SDK1: variants seen among roughly 807,000 people sequenced by gnomAD.
The protein encoded by SDK1 is sidekick cell adhesion molecule 1.
Under a neutral mutation model 245.5 loss-of-function variants are expected in SDK1, and 157 were observed. That is an observed-to-expected ratio of 0.64 (90% CI 0.56 to 0.73). The LOEUF (loss-of-function observed/expected upper bound fraction) is 0.73. Among genes scored for constraint, SDK1 ranks in the 30% least tolerant of loss-of-function variants. The pLI, the probability that SDK1 is intolerant of heterozygous loss-of-function variation, is 0.00. For synonymous variants in SDK1, 1,647 were observed against 1,278.5 expected, an observed-to-expected ratio of 1.29 and a Z score of -6.15; for missense variants, 3,583 against 3,002.3, an observed-to-expected ratio of 1.19 and a Z score of -4.52.
chr7:4,079,483 A>C lies in SDK1; in HGVS notation c.3223A>C (p.Asn1075His). The C allele has an allele frequency of 6.2e-7, 1 of 1,614,210 alleles. No individual in the cohort carries two copies. Among genetic ancestry groups the C allele is most frequent in the Non-Finnish European group, 8.5e-7 (1 of 1,180,030 alleles). The change falls in exon 22 of 45, where the codon AAC (asparagine) becomes CAC (histidine). Residue 1075 changes from asparagine to histidine, a missense_variant. Physicochemically the swap from Asn to His is moderately conservative, Grantham distance 68. Transcript: ENST00000404826. ...TCTAGACCTTCCTGGTGCCCCATCC[A>C]ACCTGGTCATTTCCAACATCAGCCC... is the stretch of plus-strand genomic sequence containing the variant. ...VPPDLPGAPS[N>H]LVISNISPRS... is the part of the protein sequence containing the mutation.
At chr7:3,779,469 A>AT (rs1205727374) in intron 4 of SDK1, among the ~76,000 whole-genome samples, 1 of 152,086 alleles carries the variant, frequency 6.6e-6, no homozygotes, top group African/African-American at 2.4e-5. Flanking sequence ...TAAAAAAAAA[A>AT]AACAAGGACA....
intron 38 of SDK1, among the ~76,000 whole-genome samples, chr7:4,210,663 T>C (rs544363377): frequency 1.7e-4 from 26 of 152,282 alleles, no homozygotes; most frequent in Admixed American, 1.4e-3. Context: ...CGGACATCTA[T>C]GAAGCTCCTG....
chr7:3,692,457 G>T (rs1024528651), intron 4 of SDK1, among the ~76,000 whole-genome samples: 3 of 151,992 alleles, frequency 2.0e-5, no homozygotes, highest in African/African-American at 2.4e-5. Flanking sequence ...TAAACAGAGA[G>T]GATTTCTTAT....
At chr7:3,551,992 T>C (rs553424778) in intron 1 of SDK1, among the ~76,000 whole-genome samples, 1 of 152,330 alleles carries the variant, frequency 6.6e-6, no homozygotes, top group African/African-American at 2.4e-5. Flanking sequence ...TCGTTCGGGT[T>C]GTAGTGTGAT....
chr7:3,338,848 A>T (rs996549670), intron 1 of SDK1, among the ~76,000 whole-genome samples: 6 of 152,224 alleles, frequency 3.9e-5, no homozygotes, highest in Non-Finnish European at 8.8e-5. Context: ...CTCGAGCACT[A>T]TGAATAAATG....
At chr7:3,508,005 T>G (rs1658461033) in intron 1 of SDK1, among the ~76,000 whole-genome samples, 1 of 152,164 alleles carries the variant, frequency 6.6e-6, no homozygotes, top group South Asian at 2.1e-4. Flanking sequence ...TCCCTTACTT[T>G]CCTGACCCCA....
At chr7:4,117,105 T>C (rs1783763825) in intron 25 of SDK1, among the ~76,000 whole-genome samples, 1 of 152,138 alleles carries the variant, frequency 6.6e-6, no homozygotes, top group Non-Finnish European at 1.5e-5. Flanking sequence ...GCCAAGAAAA[T>C]AGTTTTTCAG....
chr7:4,220,201 C>A lies in SDK1; in HGVS notation c.5632C>A (p.Arg1878Ser). Reference sequence around the variant, plus strand: ...CACCAAGGGAGTGACCTATTTCTTCCGTGTCCAAGCGCGGACCATCACCTA... The same window carrying A: ...CACCAAGGGAGTGACCTATTTCTTCAGTGTCCAAGCGCGGACCATCACCTA... ...DLTKGVTYFFRVQARTITYGP... is the reference protein window; with the variant it reads ...DLTKGVTYFFSVQARTITYGP... Residue 1878 changes from arginine (R) to serine (S), a missense_variant, in exon 39 of 45, where the codon CGT becomes AGT. Coordinates refer to ENST00000404826, the MANE Select transcript of SDK1 (RefSeq NM_152744.4). 1 of 1,614,052 alleles carries A rather than the reference C, an allele frequency of 6.2e-7. No homozygotes were observed.
At chr7:3,993,946 C>G (rs1672013422) in intron 14 of SDK1, among the ~76,000 whole-genome samples, 2 of 152,202 alleles carry the variant, frequency 1.3e-5, no homozygotes, top group African/African-American at 2.4e-5. Context: ...TGATCACTCT[C>G]CCCACACAGA....
chr7:4,268,686 T>A lies in SDK1; in HGVS notation c.*3302T>A, dbSNP rs752821351. On this transcript the variant is annotated 3_prime_UTR_variant, in exon 45 of 45. Transcript: ENST00000404826. ...GCATTCTTGGCACACAGTGTAGCTA[T>A]CCTCCTGACGAGCAACCCGTCTGCG... is the stretch of plus-strand genomic sequence containing the variant. 7.3e-6 allele frequency: 10 copies of A among 1,367,848 alleles called. No individual in the cohort carries two copies. The South Asian group carries it at 8.0e-5, about 11-fold the overall frequency. 84.7% of individuals were successfully genotyped at this position (1,367,848 alleles called of 1,614,324 possible). A position where few individuals can be genotyped will look rare whatever the true frequency, so the allele number is the denominator to read the frequency against.
At chr7:3,907,670 T>G (rs1778999969) in intron 5 of SDK1, among the ~76,000 whole-genome samples, 2 of 152,244 alleles carry the variant, frequency 1.3e-5, no homozygotes, top group African/African-American at 2.4e-5. Context: ...ACTTTGCGTT[T>G]TTAAAACAGA....
At chr7:3,421,058 ATTTTT>A (rs112274032) in intron 1 of SDK1, among the ~76,000 whole-genome samples, 1 of 130,794 alleles carries the variant, frequency 7.6e-6, no homozygotes. Context: ...GCTTTTATCA[ATTTTT>A]TTTTTTTTAA....
intron 5 of SDK1, among the ~76,000 whole-genome samples, chr7:3,896,611 A>G (rs1328360050): frequency 6.6e-6 from 1 of 151,700 alleles, no homozygotes; most frequent in African/African-American, 2.4e-5. Context: ...TGGATTGGGA[A>G]CTCTTTCAAG....
At position 3,577,420 on chromosome 7, in the gene SDK1, T is replaced by C. The variant is rs192659599; in HGVS notation, c.299-41660T>C. Among the ~76,000 whole-genome samples, 255 of 152,154 alleles carry C rather than the reference T, an allele frequency of 1.7e-3. 1 individual carries two copies. The highest frequency in any genetic ancestry group is 6.0e-3 in the African/African-American group (250 of 41,556). The stretch of plus-strand genomic sequence containing the variant: ...CCCATGATGTCTGACCATGCAGGTC[T>C]TCACTGAGACGTGCTCCCTTTACTG... On this transcript the variant is annotated intron_variant, in intron 1 of 44. Coordinates refer to ENST00000404826, the MANE Select transcript of SDK1 (RefSeq NM_152744.4).
At chr7:3,967,484 C>A in intron 10 of SDK1, 50 bp downstream of exon 10, 2 of 1,130,040 alleles carry the variant, frequency 1.8e-6, no homozygotes, top group Non-Finnish European at 2.7e-6. Context: ...AGAACATAAC[C>A]TATCGGGCCA....
At chr7:3,779,448 C>A (rs1281749709) in intron 4 of SDK1, among the ~76,000 whole-genome samples, 1 of 151,054 alleles carries the variant, frequency 6.6e-6, no homozygotes, top group Non-Finnish European at 1.5e-5. Context: ...AAGCCAGTAA[C>A]CTATTTTTTT....
rs570131503 is a variant in SDK1 at position 3,877,720 on chromosome 7, T to C, written c.847+56137T>C. Among the ~76,000 whole-genome samples, 6 of 152,334 alleles carry C rather than the reference T, an allele frequency of 3.9e-5. No individual in the cohort carries two copies. The South Asian group carries it at 1.0e-3, about 26-fold the overall frequency. ...TCAAACTTTTTTTTCTATGAAAATATGGAGATTCGTATAAGACGGGGTATC... is the reference window on the plus strand; with the variant it reads ...TCAAACTTTTTTTTCTATGAAAATACGGAGATTCGTATAAGACGGGGTATC... On this transcript the variant is annotated intron_variant, in intron 5 of 44. Transcript: ENST00000404826.
chr7:3,794,031 C>G (rs894849045), intron 4 of SDK1, among the ~76,000 whole-genome samples: 2 of 152,162 alleles, frequency 1.3e-5, no homozygotes, highest in African/African-American at 4.8e-5. Context: ...TTACCACATG[C>G]CAAATATGTT....
intron 1 of SDK1, among the ~76,000 whole-genome samples, chr7:3,464,513 C>A (rs748487968): frequency 1.2e-4 from 18 of 152,190 alleles, no homozygotes; most frequent in Non-Finnish European, 2.2e-4. Context: ...AGAGTGAGAC[C>A]CTGTCTCTAA....
Sources: allele counts gnomAD v4.1 joint callset (sites outside exome capture counted in the v4.1 genomes callset), GRCh38; gene constraint gnomAD v4.1.1; transcripts MANE v1.5; gene names NCBI Gene and HGNC (gene_info 2026-07-23, HGNC 2026-07-21).